Variants in ANKFN1 observed in about 807,000 individuals in gnomAD.
ANKFN1 encodes the protein ankyrin repeat and fibronectin type III domain containing 1, also known as ankyrin repeat and fibronectin type-III domain-containing protein 1.
ANKFN1 carries 74 observed loss-of-function variants against 108.7 expected under a neutral mutation model. The observed-to-expected ratio is 0.68, with a 90% CI of 0.56 to 0.83. ANKFN1 has a LOEUF of 0.83. Ranked by LOEUF, ANKFN1 falls within the 40% of genes least tolerant of loss-of-function variation. ANKFN1 has a pLI of 0.00. For synonymous variants in ANKFN1, 547 were observed against 516.2 expected, an observed-to-expected ratio of 1.06 and a Z score of -0.81; for missense variants, 1,505 against 1,382.3, an observed-to-expected ratio of 1.09 and a Z score of -1.41.
intron 4 of ANKFN1, among the ~76,000 whole-genome samples, chr17:56,142,896 A>G (rs937455950): frequency 7.2e-5 from 11 of 152,126 alleles, no homozygotes; most frequent in Non-Finnish European, 1.5e-5. Context: ...ATTCACACAA[A>G]TACTCTATGA....
rs1357930119 is a variant in ANKFN1, at chr17:56,094,549, GCTGGA to G, written c.288+48225_288+48229del. On this transcript the variant is annotated intron_variant, in intron 4 of 12. Transcript: ENST00000635860. ...GGCTGCCAGGCTGCCAGGCTGCCAG[GCTGGA>G]GTGCAGTGGCATGATCTCAGCTCAC... 2.1e-5 allele frequency among the ~76,000 whole-genome samples: 3 copies of G among 139,544 alleles called. No individual in the cohort carries two copies. In the East Asian group the frequency reaches 6.2e-4, roughly 29 times the overall value. The allele number at this position is 139,544 out of a possible 152,430, so 91.5% of individuals were successfully genotyped here.
chr17:56,250,599 T>C (rs1417371954), intron 3 of ANKFN1, among the ~76,000 whole-genome samples: 1 of 152,260 alleles, frequency 6.6e-6, no homozygotes, highest in Non-Finnish European at 1.5e-5. Flanking sequence ...ACTAGATCTA[T>C]ACATCATATC....
At chr17:56,498,834 T>TA in intron 19 of ANKFN1, 48 bp from the exon 20 acceptor site, 1 of 1,462,366 alleles carries the variant, frequency 6.8e-7, no homozygotes, top group Non-Finnish European at 9.3e-7. Flanking sequence ...GTATTCCTTT[T>TA]TAATCACTGC....
chr17:56,300,195 C>T (rs552863616), intron 3 of ANKFN1, among the ~76,000 whole-genome samples: 3 of 152,124 alleles, frequency 2.0e-5, no homozygotes, highest in Admixed American at 2.0e-4. Flanking sequence ...ATCTTATAAA[C>T]AGGGAATGCT....
intron 2 of ANKFN1, among the ~76,000 whole-genome samples, chr17:56,217,517 AT>A (rs1415963821): frequency 2.0e-5 from 3 of 152,166 alleles, no homozygotes; most frequent in Non-Finnish European, 4.4e-5. Context: ...GTTTTGTGAC[AT>A]TTTTGTTGTC....
At chr17:56,236,214 C>A (rs1917131628) in intron 3 of ANKFN1, among the ~76,000 whole-genome samples, 1 of 151,906 alleles carries the variant, frequency 6.6e-6, no homozygotes, top group Admixed American at 6.6e-5. Flanking sequence ...TGTGCGACCA[C>A]CCCCGGCTAC....
intron 4 of ANKFN1, among the ~76,000 whole-genome samples, chr17:56,349,682 C>T (rs552150257): frequency 1.3e-5 from 2 of 152,080 alleles, no homozygotes; most frequent in Non-Finnish European, 2.9e-5. Context: ...TGATGGGAAT[C>T]CCAACTACAC....
intron 11 of ANKFN1, among the ~76,000 whole-genome samples, chr17:56,456,401 C>CTTTTTTTTT (rs397713657): frequency 1.7e-5 from 2 of 115,498 alleles, no homozygotes; most frequent in Non-Finnish European, 1.7e-5. Flanking sequence ...CTTTTTTTCT[C>CTTTTTTTTT]TTTTTTTTTT....
intron 3 of ANKFN1, among the ~76,000 whole-genome samples, chr17:56,309,988 A>G (rs2044962891): frequency 1.3e-5 from 2 of 152,178 alleles, no homozygotes; most frequent in South Asian, 4.1e-4. Flanking sequence ...CTGATGATAC[A>G]TCATAAAGAG....
At chr17:56,392,256 C>T (rs536583755) in intron 8 of ANKFN1, among the ~76,000 whole-genome samples, 6 of 152,286 alleles carry the variant, frequency 3.9e-5, no homozygotes, top group South Asian at 4.1e-4. Flanking sequence ...CGCATTGTTA[C>T]GCAAGGGCCC....
intron 3 of ANKFN1, among the ~76,000 whole-genome samples, chr17:56,316,996 G>T (rs996079550): frequency 6.6e-6 from 1 of 152,288 alleles, no homozygotes; most frequent in African/African-American, 2.4e-5. Flanking sequence ...CACGTTTAAA[G>T]CAGATTTCAG....
chr17:56,149,566 T>C (rs1830469654), upstream of ANKFN1, among the ~76,000 whole-genome samples: 1 of 152,214 alleles, frequency 6.6e-6, no homozygotes, highest in Non-Finnish European at 1.5e-5. Flanking sequence ...GCAGCCACTG[T>C]GAATGACTGG....
At chr17:56,193,511 T>C (rs1244458772) in intron 1 of ANKFN1, among the ~76,000 whole-genome samples, 1 of 151,110 alleles carries the variant, frequency 6.6e-6, no homozygotes, top group Non-Finnish European at 1.5e-5. Flanking sequence ...GTGCATAATT[T>C]ATTTGTAGCG....
At chr17:56,322,584 C>T (rs898128641) in intron 3 of ANKFN1, among the ~76,000 whole-genome samples, 3 of 152,212 alleles carry the variant, frequency 2.0e-5, no homozygotes, top group African/African-American at 4.8e-5. Flanking sequence ...GCATTATTCA[C>T]TCCAGTACAC....
At chr17:56,361,452 T>A (rs377020374) in intron 6 of ANKFN1, among the ~76,000 whole-genome samples, 4 of 152,192 alleles carry the variant, frequency 2.6e-5, no homozygotes, top group African/African-American at 9.6e-5. Context: ...AGGCTAAAAA[T>A]TAAATTTCTG....
At chr17:56,196,997 T>C (rs948326705) in intron 1 of ANKFN1, among the ~76,000 whole-genome samples, 2 of 152,236 alleles carry the variant, frequency 1.3e-5, no homozygotes, top group African/African-American at 4.8e-5. Flanking sequence ...AACTTTACTA[T>C]TGGATATTTC....
chr17:56,202,931 G>T (rs1914185778), intron 1 of ANKFN1, among the ~76,000 whole-genome samples: 1 of 152,142 alleles, frequency 6.6e-6, no homozygotes, highest in Admixed American at 6.5e-5. Flanking sequence ...ATACTAATGA[G>T]AAATGTTAGC....
At chr17:56,431,098 G>A (rs942922092) in intron 8 of ANKFN1, among the ~76,000 whole-genome samples, 10 of 152,178 alleles carry the variant, frequency 6.6e-5, no homozygotes, top group African/African-American at 1.9e-4. Context: ...AAACAAGTAA[G>A]CATGATAGAA....
chr17:56,450,332 A>G (rs2049441399), intron 11 of ANKFN1, among the ~76,000 whole-genome samples: 1 of 152,246 alleles, frequency 6.6e-6, no homozygotes, highest in African/African-American at 2.4e-5. Context: ...GCTATAGATA[A>G]GTCATACTGA....
Sources: allele counts gnomAD v4.1 joint callset (sites outside exome capture counted in the v4.1 genomes callset), GRCh38; gene constraint gnomAD v4.1.1; transcripts MANE v1.5; gene names NCBI Gene and HGNC (gene_info 2026-07-23, HGNC 2026-07-21).